The following CCSER1 variants were observed in gnomAD, a reference collection of about 807,000 sequenced individuals.
CCSER1 encodes the protein serine-rich coiled-coil domain-containing protein 1.
In CCSER1, 41 loss-of-function variants were observed where a neutral mutation model predicts 82.0. The ratio of observed to expected loss-of-function variants is 0.50; its 90% CI spans 0.39 to 0.65. The LOEUF (loss-of-function observed/expected upper bound fraction) is 0.65, where lower values mean the gene tolerates loss of function less well. CCSER1 is among the 30% of genes least tolerant of loss of function. The pLI is 0.00. For missense variants in CCSER1, 1,119 were observed against 1,064.2 expected, an observed-to-expected ratio of 1.05 and a Z score of -0.72; for synonymous variants, 414 against 383.9, an observed-to-expected ratio of 1.08 and a Z score of -0.92.
At chr4:90,627,142 C>A (rs984721127) in intron 5 of CCSER1, among the ~76,000 whole-genome samples, 4 of 151,894 alleles carry the variant, frequency 2.6e-5, no homozygotes, top group African/African-American at 4.8e-5. Context: ...TTATCTTATC[C>A]CTTCACAGGA....
intron 7 of CCSER1, among the ~76,000 whole-genome samples, chr4:90,725,955 G>A (rs879579873): frequency 6.6e-6 from 1 of 151,922 alleles, no homozygotes; most frequent in African/African-American, 2.4e-5. Context: ...GATATTTCAT[G>A]TTAGTATTAG....
At chr4:90,735,443 T>C (rs1034105280) in intron 7 of CCSER1, among the ~76,000 whole-genome samples, 1 of 152,170 alleles carries the variant, frequency 6.6e-6, no homozygotes, top group African/African-American at 2.4e-5. Flanking sequence ...GTGAAGCCAC[T>C]GGGTCCTGGG....
intron 10 of CCSER1, among the ~76,000 whole-genome samples, chr4:91,426,073 G>GTTCC (rs1441397272): frequency 1.3e-5 from 2 of 152,082 alleles, no homozygotes; most frequent in Middle Eastern, 3.2e-3. Flanking sequence ...GATGTGTGAT[G>GTTCC]TTCCCCTTCC....
At chr4:91,154,531 T>G (rs902135992) in intron 10 of CCSER1, among the ~76,000 whole-genome samples, 1 of 152,006 alleles carries the variant, frequency 6.6e-6, no homozygotes, top group Non-Finnish European at 1.5e-5. Flanking sequence ...CCCACTGTCC[T>G]GCACCCACTG....
At chr4:90,816,472 A>C (rs1194316169) in intron 8 of CCSER1, among the ~76,000 whole-genome samples, 1 of 152,048 alleles carries the variant, frequency 6.6e-6, no homozygotes, top group Non-Finnish European at 1.5e-5. Flanking sequence ...AGTGGGCATT[A>C]TTTTTTCTAA....
chr4:90,559,900 C>G (rs1307258713), intron 5 of CCSER1, among the ~76,000 whole-genome samples: 4 of 147,018 alleles, frequency 2.7e-5, no homozygotes, highest in African/African-American at 1.0e-4. Flanking sequence ...GGGAGAATTA[C>G]TTTAGTCCAG....
intron 6 of CCSER1, among the ~76,000 whole-genome samples, chr4:90,661,631 T>C (rs541906821): frequency 9.8e-5 from 15 of 152,306 alleles, no homozygotes; most frequent in Middle Eastern, 3.4e-3. Flanking sequence ...ATGATAGTTA[T>C]TAGACCATGG....
chr4:91,086,665 G>A (rs1194265053), intron 10 of CCSER1, among the ~76,000 whole-genome samples: 1 of 151,832 alleles, frequency 6.6e-6, no homozygotes, highest in African/African-American at 2.4e-5. Flanking sequence ...TGCAATTTTT[G>A]TACAAAAGTG....
intron 4 of CCSER1, among the ~76,000 whole-genome samples, chr4:90,453,793 C>T (rs1560540892): frequency 6.6e-6 from 1 of 152,074 alleles, no homozygotes; most frequent in African/African-American, 2.4e-5. Context: ...CCTGAGACAC[C>T]CCTTATGGTA....
At chr4:91,439,111 A>G (rs948488198) in intron 10 of CCSER1, among the ~76,000 whole-genome samples, 8 of 152,158 alleles carry the variant, frequency 5.3e-5, no homozygotes, top group South Asian at 2.1e-4. Context: ...CCAACATTCA[A>G]ATTCAGGAAA....
chr4:90,429,027 ATGTATCACAC>A (rs1757906086), intron 4 of CCSER1, among the ~76,000 whole-genome samples: 1 of 151,760 alleles, frequency 6.6e-6, no homozygotes, highest in South Asian at 2.1e-4. Context: ...TTTGAAACAA[ATGTATCACAC>A]TATTGCAAGA....
At chr4:91,001,358 C>T (rs575976448) in intron 9 of CCSER1, among the ~76,000 whole-genome samples, 18 of 152,084 alleles carry the variant, frequency 1.2e-4, no homozygotes, top group African/African-American at 4.1e-4. Context: ...GGGATATTGA[C>T]CTATAGTTTT....
chr4:90,826,035 A>G (rs1760390714), intron 8 of CCSER1, among the ~76,000 whole-genome samples: 1 of 152,138 alleles, frequency 6.6e-6, no homozygotes, highest in African/African-American at 2.4e-5. Flanking sequence ...ACAAGGAAAC[A>G]AGCTAATACA....
chr4:91,104,863 A>C (rs1397493919), intron 10 of CCSER1, among the ~76,000 whole-genome samples: 1 of 152,162 alleles, frequency 6.6e-6, no homozygotes, highest in African/African-American at 2.4e-5. Context: ...GGCAATAATC[A>C]GATAGGATTA....
chr4:90,143,491 T>TACACACACACACACACAC (rs56859054), intron 1 of CCSER1, among the ~76,000 whole-genome samples: 102 of 141,364 alleles, frequency 7.2e-4, no homozygotes, highest in East Asian at 1.4e-3. Flanking sequence ...AGTACACACA[T>TACACACACACACACACAC]ACACACACAC....
At chr4:90,819,719 A>T (rs1353779555) in intron 8 of CCSER1, among the ~76,000 whole-genome samples, 1 of 152,228 alleles carries the variant, frequency 6.6e-6, no homozygotes, top group Non-Finnish European at 1.5e-5. Flanking sequence ...TTAAAAAGAA[A>T]ACAATAAGCT....
chr4:90,782,437 T>C (rs887481232), intron 7 of CCSER1, among the ~76,000 whole-genome samples: 4 of 152,134 alleles, frequency 2.6e-5, no homozygotes, highest in Non-Finnish European at 4.4e-5. Flanking sequence ...ATCTTATCGT[T>C]AATAGGGAAG....
chr4:90,490,959 G>GCCT (rs952870107), intron 5 of CCSER1, among the ~76,000 whole-genome samples: 1 of 152,128 alleles, frequency 6.6e-6, no homozygotes, highest in African/African-American at 2.4e-5. Flanking sequence ...GTAGCATAAT[G>GCCT]CCTCCAGCTT....
chr4:90,506,965 G>A (rs951528300), intron 5 of CCSER1, among the ~76,000 whole-genome samples: 14 of 152,090 alleles, frequency 9.2e-5, no homozygotes, highest in East Asian at 5.8e-4. Context: ...TTTGGTTGAC[G>A]CACTCTCGTT....
Sources: allele counts gnomAD v4.1 joint callset (sites outside exome capture counted in the v4.1 genomes callset), GRCh38; gene constraint gnomAD v4.1.1; transcripts MANE v1.5; gene names NCBI Gene and HGNC (gene_info 2026-07-23, HGNC 2026-07-21).